ECPAS: variants seen among roughly 807,000 people sequenced by gnomAD.
The protein encoded by ECPAS is Ecm29 proteasome adaptor and scaffold, also known as proteasome adapter and scaffold protein ECM29.
ECPAS carries 70 observed loss-of-function variants against 255.1 expected under a neutral mutation model. The ratio of observed to expected loss-of-function variants is 0.27; its 90% confidence interval spans 0.23 to 0.33. The LOEUF (loss-of-function observed/expected upper bound fraction) is 0.33. Ranked by LOEUF, ECPAS falls within the 10% of genes least tolerant of loss-of-function variation. ECPAS has a pLI of 1.00. For missense variants in ECPAS, 1,817 were observed against 2,206.4 expected, an observed-to-expected ratio of 0.82 and a Z score of 3.54; for synonymous variants, 784 against 775.0, an observed-to-expected ratio of 1.01 and a Z score of -0.19.
rs1370031884 is a variant in ECPAS at position 111,398,599 on chromosome 9, C to T, written c.2653-1446G>A. Among the ~76,000 whole-genome samples, 13 of 151,680 alleles carry T rather than the reference C, an allele frequency of 8.6e-5. No individual in the cohort carries two copies. In the East Asian group the frequency reaches 1.3e-3, roughly 16 times the overall value. On this transcript the variant is annotated intron_variant, in intron 24 of 49. Transcript: ENST00000684092. ...CAGGCGGCAGGGCAAAGTGGCTGAACGGGGAGGTGGAAATGGTTAACAGGT... is the reference window on the plus strand; with the variant it reads ...CAGGCGGCAGGGCAAAGTGGCTGAATGGGGAGGTGGAAATGGTTAACAGGT...
intron 27 of ECPAS, among the ~76,000 whole-genome samples, 175 bp from the exon 28 acceptor site, chr9:111,393,057 T>A (rs941677490): frequency 6.6e-6 from 1 of 152,312 alleles, no homozygotes. Flanking sequence ...TCAGGGGACA[T>A]GGCACCACAC....
Position 111,442,329 on chromosome 9 carries a change from C to CCCTT in ECPAS, c.362_365dup (p.Lys123ArgfsTer9). On this transcript the variant is annotated frameshift_variant, in exon 5 of 50. Coordinates refer to ENST00000684092, the MANE Select transcript of ECPAS (RefSeq NM_001364929.1). LOFTEE classifies it high-confidence loss of function. ...ACCTATCCTGCTGTGGCTGAGGCTT[C>CCCTT]CCTTCCATGGCAGTAAGAAGCGTAG... 6.2e-7 allele frequency: 1 copy of CCCTT among 1,611,780 alleles called. No individual in the cohort carries two copies. Among genetic ancestry groups the CCCTT allele is most frequent in the Non-Finnish European group, 8.5e-7 (1 of 1,178,730 alleles).
intron 1 of ECPAS, among the ~76,000 whole-genome samples, chr9:111,483,302 T>C (rs2098309618): frequency 6.6e-6 from 1 of 151,864 alleles, no homozygotes; most frequent in African/African-American, 2.4e-5. Context: ...AACGTGACGG[T>C]GCAAACCTGA....
At chr9:111,413,683 A>G (rs574281793) in intron 20 of ECPAS, among the ~76,000 whole-genome samples, 20 of 151,810 alleles carry the variant, frequency 1.3e-4, no homozygotes, top group South Asian at 6.2e-4. Context: ...TTTTACTCCT[A>G]TGCTTCTCAA....
intron 3 of ECPAS, among the ~76,000 whole-genome samples, chr9:111,445,553 A>C (rs2098251783): frequency 6.6e-6 from 1 of 152,148 alleles, no homozygotes; most frequent in Non-Finnish European, 1.5e-5. Context: ...ATAAGAAGGT[A>C]TGGGGCACAC....
chr9:111,392,070 CT>C lies in ECPAS; in HGVS notation c.3093-247del, dbSNP rs371202125. On this transcript the variant is annotated intron_variant, in intron 28 of 49. Transcript: ENST00000684092. ...TCTGACTAACATGGTGAAACGCCATCTCTACTAAAAATACAAAAAATTAGCC... is the reference window on the plus strand; with the variant it reads ...TCTGACTAACATGGTGAAACGCCATCCTACTAAAAATACAAAAAATTAGCC... Among the ~76,000 whole-genome samples, 98 of 152,234 alleles carry C rather than the reference CT, an allele frequency of 6.4e-4. 2 individuals are homozygous for C. The South Asian group carries it at 0.019, about 29-fold the overall frequency.
chr9:111,400,462 T>G (rs1322353736), intron 24 of ECPAS, among the ~76,000 whole-genome samples: 1 of 151,938 alleles, frequency 6.6e-6, no homozygotes, highest in Middle Eastern at 3.2e-3. Flanking sequence ...AATCCTGGAG[T>G]GGTGTAGATA....
chr9:111,438,777 GAACATGGAGTGACT>G (rs2098241717), intron 6 of ECPAS, among the ~76,000 whole-genome samples: 1 of 152,214 alleles, frequency 6.6e-6, no homozygotes, highest in South Asian at 2.1e-4. Flanking sequence ...TGGTGACAGT[GAACATGGAGTGACT>G]GAAGGCCCAG....
chr9:111,463,473 T>C (rs1197098929), intron 2 of ECPAS, among the ~76,000 whole-genome samples: 1 of 152,208 alleles, frequency 6.6e-6, no homozygotes, highest in Non-Finnish European at 1.5e-5. Context: ...AAAAAAATTA[T>C]AAAATTCCTT....
intron 39 of ECPAS, among the ~76,000 whole-genome samples, chr9:111,373,660 G>T (rs1325865522): frequency 2.0e-5 from 3 of 152,198 alleles, no homozygotes; most frequent in African/African-American, 7.2e-5. Context: ...CAGTCTAGAA[G>T]CCAATCTAAG....
At chr9:111,478,729 A>G (rs2098299757) in intron 1 of ECPAS, among the ~76,000 whole-genome samples, 1 of 152,232 alleles carries the variant, frequency 6.6e-6, no homozygotes, top group Non-Finnish European at 1.5e-5. Flanking sequence ...TACCAGCTAC[A>G]CATCTCAAAA....
At chr9:111,400,028 C>G (rs2098173372) in intron 24 of ECPAS, among the ~76,000 whole-genome samples, 1 of 152,242 alleles carries the variant, frequency 6.6e-6, no homozygotes, top group Non-Finnish European at 1.5e-5. Flanking sequence ...ATTACCCTCC[C>G]CTAACTTCAG....
At chr9:111,460,214 A>G (rs2098271584) in intron 2 of ECPAS, among the ~76,000 whole-genome samples, 1 of 152,182 alleles carries the variant, frequency 6.6e-6, no homozygotes, top group African/African-American at 2.4e-5. Flanking sequence ...GAGAATAACA[A>G]TCATATGATC....
At chr9:111,411,364 A>G (rs1303673556) in intron 21 of ECPAS, among the ~76,000 whole-genome samples, 2 of 152,214 alleles carry the variant, frequency 1.3e-5, no homozygotes, top group Non-Finnish European at 2.9e-5. Flanking sequence ...ATCTTGATTC[A>G]CTTTAAGATT....
At position 111,423,348 on chromosome 9, in the gene ECPAS, A is replaced by T. The variant is rs1028386941; in HGVS notation, c.1216-100T>A. 4 of 775,748 alleles carry T rather than the reference A, an allele frequency of 5.2e-6. No individual in the cohort carries two copies. In the African/African-American group the frequency reaches 7.0e-5, roughly 14 times the overall value. The allele number at this position is 775,748 out of a possible 1,614,324, so 48.1% of individuals were successfully genotyped here. ...AAACCTTTTCGCTGCAATTACATGC[A>T]TTATTTTACTCCTTATTAAACCTAG... On this transcript the variant is annotated intron_variant, in intron 12 of 49. Coordinates refer to ENST00000684092, the MANE Select transcript of ECPAS (RefSeq NM_001364929.1).
At chr9:111,439,767 T>G (rs559671259) in intron 6 of ECPAS, among the ~76,000 whole-genome samples, 7 of 152,200 alleles carry the variant, frequency 4.6e-5, no homozygotes, top group Admixed American at 2.6e-4. Flanking sequence ...ATCTGTGTTT[T>G]GCAAATCGGG....
chr9:111,481,974 T>TATCAA (rs1433287979), intron 1 of ECPAS, among the ~76,000 whole-genome samples: 2 of 152,186 alleles, frequency 1.3e-5, no homozygotes, highest in Non-Finnish European at 2.9e-5. Flanking sequence ...GTTTAATGGG[T>TATCAA]ATCAAGTTTC....
chr9:111,442,562 T>C (rs1411555350), intron 4 of ECPAS, 138 bp from the exon 5 acceptor site: 7 of 613,596 alleles, frequency 1.1e-5, no homozygotes, highest in Middle Eastern at 4.4e-4. Context: ...TCCACGTTTA[T>C]TGCACCTTTA....
rs949288059 is a variant in ECPAS at position 111,373,820 on chromosome 9, A to G, written c.4177+152T>C. ...TTGATAAACTCTGCACCTCCTGCAGACAAAGAAATGAAGGAGTCAGGGGAC... is the reference window on the plus strand; with the variant it reads ...TTGATAAACTCTGCACCTCCTGCAGGCAAAGAAATGAAGGAGTCAGGGGAC... On this transcript the variant is annotated intron_variant, in intron 39 of 49. Coordinates refer to ENST00000684092, the MANE Select transcript of ECPAS (RefSeq NM_001364929.1). 2.6e-5 allele frequency among the ~76,000 whole-genome samples: 4 copies of G among 152,230 alleles called. No homozygotes were observed. The East Asian group carries it at 5.8e-4, about 22-fold the overall frequency.
Sources: gnomAD v4.1 joint callset for allele counts (sites outside exome capture counted in the v4.1 genomes callset) on GRCh38, gnomAD v4.1.1 for gene constraint, MANE v1.5 for transcripts, NCBI Gene and HGNC (gene_info 2026-07-23, HGNC 2026-07-21) for gene names.